Variants in ZMYND8 observed in about 807,000 individuals in gnomAD.
ZMYND8 encodes MYND-type zinc finger-containing chromatin reader ZMYND8.
A neutral mutation model predicts 140.8 loss-of-function variants in ZMYND8; 37 were observed. That is an observed-to-expected ratio of 0.26 (90% CI 0.20 to 0.35). The LOEUF is 0.35. ZMYND8 is among the 10% of genes least tolerant of loss of function. The probability of loss-of-function intolerance (pLI) is 1.00; values close to 1 mark genes in which losing one functional copy is unlikely to be tolerated. For missense variants in ZMYND8, 1,068 were observed against 1,570.0 expected (o/e 0.68, Z 5.40); for synonymous variants, 592 against 597.1 (o/e 0.99, Z 0.12).
chr20:47,326,271 T>C (rs1414882014), intron 2 of ZMYND8, among the ~76,000 whole-genome samples: 1 of 152,082 alleles, frequency 6.6e-6, no homozygotes, highest in Non-Finnish European at 1.5e-5. Flanking sequence ...CAGCTAGTTT[T>C]TGTATTTTTT....
chr20:47,224,817 C>T (rs1278541151), intron 18 of ZMYND8, among the ~76,000 whole-genome samples: 1 of 152,226 alleles, frequency 6.6e-6, no homozygotes. Flanking sequence ...GGATTTTCCA[C>T]ACCAGACTAC....
chr20:47,231,293 T>C (rs2038444997), intron 16 of ZMYND8, among the ~76,000 whole-genome samples: 1 of 152,196 alleles, frequency 6.6e-6, no homozygotes, highest in Admixed American at 6.6e-5. Flanking sequence ...TGACTGGTGC[T>C]GAGTCTCTCC....
intron 2 of ZMYND8, among the ~76,000 whole-genome samples, chr20:47,315,317 T>G (rs929631766): frequency 7.2e-5 from 11 of 152,198 alleles, no homozygotes; most frequent in Admixed American, 6.5e-5. Context: ...ACCCCAATTC[T>G]GTTTGCTGTT....
rs532416214 is a variant in ZMYND8, at chr20:47,304,537, T to C, written c.234+5519A>G. 3.3e-5 allele frequency among the ~76,000 whole-genome samples: 5 copies of C among 152,096 alleles called. 1 individual carries two copies. Among genetic ancestry groups the C allele is most frequent in the Admixed American group, 1.3e-4 (2 of 15,274 alleles). On this transcript the variant is annotated intron_variant, in intron 3 of 22. Coordinates refer to ENST00000471951, the MANE Select transcript of ZMYND8 (RefSeq NM_001281775.3). Reference sequence around the variant, plus strand: ...GACACCTGGTCTACATAAACCAGAGTATGGGTGCTCTGGCTGTGTGTAAAC... The same window carrying C: ...GACACCTGGTCTACATAAACCAGAGCATGGGTGCTCTGGCTGTGTGTAAAC...
chr20:47,269,284 G>T lies in ZMYND8; in HGVS notation c.1481-6856C>A, dbSNP rs890919881. 2.6e-4 allele frequency among the ~76,000 whole-genome samples: 39 copies of T among 152,180 alleles called. 1 individual carries two copies. The highest frequency in any genetic ancestry group is 8.9e-4 in the African/African-American group (37 of 41,446). ...CCAAGTCAATATACATGAGGGTGTG[G>T]GTGGTACTGGCATGGAGGCCAGAGA... is the stretch of plus-strand genomic sequence containing the variant. On this transcript the variant is annotated intron_variant, in intron 11 of 22. Transcript: ENST00000471951.
rs757097668 is a variant in ZMYND8, at chr20:47,246,075, T to G, written c.2217A>C (p.Glu739Asp). ...TTCGACCCTCCCGCCCAGAATGGTC[T>G]TCTCCTAAATCTATGACAAGTTCGC... is the stretch of plus-strand genomic sequence containing the variant. ...SESELVIDLGEDHSGREGRKN... is the reference protein window; with the variant it reads ...SESELVIDLGDDHSGREGRKN... The change falls in exon 14 of 23, where the codon GAA becomes GAC. Residue 739 changes from glutamate (E) to aspartate (D), a missense_variant. Physicochemically the swap from Glu to Asp is conservative, Grantham distance 45 (BLOSUM62 2). Transcript: ENST00000471951. 6.2e-7 allele frequency: 1 copy of G among 1,614,018 alleles called. No homozygotes were observed. The highest frequency in any genetic ancestry group is 8.5e-7 in the Non-Finnish European group (1 of 1,179,998).
At chr20:47,335,914 G>A (rs748825718) in intron 2 of ZMYND8, among the ~76,000 whole-genome samples, 16 of 152,214 alleles carry the variant, frequency 1.1e-4, no homozygotes, top group African/African-American at 3.1e-4. Context: ...CAATCTGGTA[G>A]TCATCTAACT....
At chr20:47,315,538 C>T (rs948212730) in intron 2 of ZMYND8, among the ~76,000 whole-genome samples, 1 of 152,004 alleles carries the variant, frequency 6.6e-6, no homozygotes, top group Non-Finnish European at 1.5e-5. Context: ...AAATGCCCCC[C>T]ACTCCAGTGG....
At chr20:47,219,684 C>A (rs895832712) in intron 21 of ZMYND8, among the ~76,000 whole-genome samples, 4 of 152,096 alleles carry the variant, frequency 2.6e-5, no homozygotes, top group East Asian at 1.9e-4. Context: ...GAAAAAGATT[C>A]TTTGGGCTAA....
At chr20:47,314,370 G>A (rs528142074) in intron 2 of ZMYND8, among the ~76,000 whole-genome samples, 20 of 152,166 alleles carry the variant, frequency 1.3e-4, no homozygotes, top group East Asian at 7.7e-4. Context: ...GTGGTGGTAC[G>A]CTCCAGTAGT....
At chr20:47,273,210 T>C (rs914879644) in intron 11 of ZMYND8, among the ~76,000 whole-genome samples, 4 of 152,132 alleles carry the variant, frequency 2.6e-5, no homozygotes, top group African/African-American at 9.7e-5. Context: ...AGAAAGGTAT[T>C]TTAACATTTT....
chr20:47,313,855 C>CG, intron 2 of ZMYND8, among the ~76,000 whole-genome samples: 1 of 151,788 alleles, frequency 6.6e-6, no homozygotes, highest in South Asian at 2.1e-4. Context: ...ATCGATTGAG[C>CG]CCAGGAGGCA....
intron 20 of ZMYND8, 94 bp downstream of exon 20, chr20:47,221,220 A>G: frequency 2.0e-6 from 3 of 1,515,642 alleles, no homozygotes; most frequent in Non-Finnish European, 1.8e-6. Context: ...AGCCTCCCAC[A>G]ACACGGAACT....
chr20:47,356,253 A>T, intron 1 of ZMYND8: 1 of 950,934 alleles, frequency 1.1e-6, no homozygotes, highest in Non-Finnish European at 1.4e-6. Context: ...ATGTGGCAAA[A>T]GAGAAGACAA....
intron 3 of ZMYND8, among the ~76,000 whole-genome samples, chr20:47,302,850 A>G (rs1323755993): frequency 6.6e-6 from 1 of 152,218 alleles, no homozygotes; most frequent in East Asian, 1.9e-4. Context: ...AAATAAGATG[A>G]CTACTAAAAA....
chr20:47,276,266 C>T (rs1210220244), intron 11 of ZMYND8, 48 bp downstream of exon 11: 1 of 1,491,260 alleles, frequency 6.7e-7, no homozygotes, highest in Middle Eastern at 2.4e-4. Flanking sequence ...CCATGGGAAA[C>T]CCCCGTGTCC....
intron 1 of ZMYND8, chr20:47,352,009 C>T: frequency 1.0e-6 from 1 of 985,420 alleles, no homozygotes; most frequent in Non-Finnish European, 1.2e-6. Context: ...TCTTGTAGAT[C>T]CTGAGCCTTC....
At chr20:47,241,293 T>G (rs1258964107) in intron 14 of ZMYND8, among the ~76,000 whole-genome samples, 1 of 90,314 alleles carries the variant, frequency 1.1e-5, no homozygotes, top group Non-Finnish European at 2.0e-5. Context: ...AGACTCCGTC[T>G]CAAAAAAAAA....
At chr20:47,341,786 G>A (rs1467746667) in intron 2 of ZMYND8, among the ~76,000 whole-genome samples, 2 of 151,534 alleles carry the variant, frequency 1.3e-5, no homozygotes, top group African/African-American at 2.4e-5. Context: ...GGTGGATCAC[G>A]AGGTCAGGAG....
Sources: gnomAD v4.1 joint callset for allele counts (sites outside exome capture counted in the v4.1 genomes callset) on GRCh38, gnomAD v4.1.1 for gene constraint, MANE v1.5 for transcripts, NCBI Gene and HGNC (gene_info 2026-07-23, HGNC 2026-07-21) for gene names.